The following SIRT2 variants were observed in gnomAD, a reference collection of about 807,000 sequenced individuals.
The protein encoded by SIRT2 is NAD-dependent protein deacetylase sirtuin-2.
SIRT2 carries 40 observed loss-of-function variants against 57.4 expected under a neutral mutation model. The ratio of observed to expected loss-of-function variants is 0.70; its 90% CI spans 0.54 to 0.91. The LOEUF is 0.91. Among genes scored for constraint, SIRT2 ranks in the 40% least tolerant of loss-of-function variants. The pLI, the probability that SIRT2 is intolerant of heterozygous loss-of-function variation, is 0.00. For missense variants in SIRT2, 439 were observed against 510.4 expected (o/e 0.86, Z 1.35); for synonymous variants, 161 against 195.7 (o/e 0.82, Z 1.48).
intron 9 of SIRT2, 70 bp from the exon 10 acceptor site, chr19:38,881,561 C>T: frequency 8.0e-7 from 1 of 1,244,572 alleles, no homozygotes; most frequent in Non-Finnish European, 1.2e-6. Flanking sequence ...AGGTGCAGCA[C>T]CCCCACCCCT....
At chr19:38,884,444 G>GTTTTTT in intron 8 of SIRT2, among the ~76,000 whole-genome samples, 1 of 151,606 alleles carries the variant, frequency 6.6e-6, no homozygotes, top group African/African-American at 2.4e-5. Context: ...TGGTTTGTTT[G>GTTTTTT]TTTGTTTGTT....
rs376127452 is a variant in SIRT2, at chr19:38,879,139, C to G, written c.*16G>C. Reference sequence around the variant, plus strand: ...GTCCCTGAGGAGCTCGGCATCCCGCCTGGGAGATGCAGCTGTCACTGGGGT... The same window carrying G: ...GTCCCTGAGGAGCTCGGCATCCCGCGTGGGAGATGCAGCTGTCACTGGGGT... On this transcript the variant is annotated 3_prime_UTR_variant, in exon 16 of 16. Coordinates refer to ENST00000249396, the MANE Select transcript of SIRT2 (RefSeq NM_012237.4). The G allele has an allele frequency of 6.4e-7, 1 of 1,555,954 alleles. No individual in the cohort carries two copies. Among genetic ancestry groups the G allele is most frequent in the Non-Finnish European group, 8.6e-7 (1 of 1,157,826 alleles).
rs143437597 is a variant in SIRT2, at chr19:38,887,200, C to T, written c.501+1887G>A. 2.5e-3 allele frequency among the ~76,000 whole-genome samples: 380 copies of T among 152,278 alleles called. 8 individuals are homozygous for T. Among genetic ancestry groups the T allele is most frequent in the Non-Finnish European group, 3.7e-4 (25 of 68,030 alleles). On this transcript the variant is annotated intron_variant, in intron 8 of 15. Transcript: ENST00000249396. ...CTCCCCTTCCAGCTTAACTGTGTTC[C>T]AGGGACCCATGACCATCTTATATGC... is the stretch of plus-strand genomic sequence containing the variant.
At chr19:38,893,666 C>T in intron 3 of SIRT2, 139 bp from the exon 4 acceptor site, 4 of 1,218,552 alleles carry the variant, frequency 3.3e-6, no homozygotes, top group Non-Finnish European at 4.7e-6. Context: ...CCAGCGGCCT[C>T]CAGGAGCCTG....
At position 38,881,099 on chromosome 19, in the gene SIRT2, C is replaced by T. The variant is rs1275806872; in HGVS notation, c.747+1G>A. 6.2e-7 allele frequency: 1 copy of T among 1,613,024 alleles called. No homozygotes were observed. Among genetic ancestry groups the T allele is most frequent in the African/African-American group, 1.3e-5 (1 of 74,910 alleles). ...TGCGGGGAGGCTGGGGGGCCACTTA[C>T]TGACTGCATACAGGAGAAGAAACGC... is the stretch of plus-strand genomic sequence containing the variant. On this transcript the variant is annotated splice_donor_variant, in intron 11 of 15. Coordinates refer to ENST00000249396, the MANE Select transcript of SIRT2 (RefSeq NM_012237.4). LOFTEE classifies it high-confidence loss of function.
At chr19:38,886,539 G>A (rs1973345737) in intron 8 of SIRT2, among the ~76,000 whole-genome samples, 1 of 149,888 alleles carries the variant, frequency 6.7e-6, no homozygotes, top group Non-Finnish European at 1.5e-5. Context: ...CTGTAGCCTT[G>A]AAATCCTGGG....
intron 4 of SIRT2, 99 bp from the exon 5 acceptor site, chr19:38,890,243 G>T: frequency 8.0e-7 from 1 of 1,246,944 alleles, no homozygotes; most frequent in Non-Finnish European, 1.2e-6. Context: ...TCCATGCCAG[G>T]CCCTGGGGCA....
chr19:38,894,058 T>C (rs1600127753), intron 2 of SIRT2, 191 bp from the exon 3 acceptor site: 1 of 1,216,868 alleles, frequency 8.2e-7, no homozygotes, highest in Non-Finnish European at 1.1e-6. Flanking sequence ...GTCCTGGCCA[T>C]GCCCGTCCCC....
rs764083176 is a variant in SIRT2 at position 38,890,077 on chromosome 19, G to A, written c.268+26C>T. ...AGGGACTCCCCAGTTCCTGGGGGTA[G>A]CTGCTGGGGGAGAAGGGTTACTTAC... On this transcript the variant is annotated intron_variant, in intron 5 of 15. Coordinates refer to ENST00000249396, the MANE Select transcript of SIRT2 (RefSeq NM_012237.4). The A allele has an allele frequency of 1.9e-6, 3 of 1,614,082 alleles. No individual in the cohort carries two copies. The Admixed American group carries it at 5.0e-5, about 27-fold the overall frequency.
At chr19:38,895,193 C>T (rs1031072362) in intron 2 of SIRT2, among the ~76,000 whole-genome samples, 1 of 152,036 alleles carries the variant, frequency 6.6e-6, no homozygotes, top group Non-Finnish European at 1.5e-5. Context: ...GTCCTCTCCT[C>T]CGGGGGTCCT....
intron 10 of SIRT2, 133 bp from the exon 11 acceptor site, chr19:38,881,288 A>C (rs1465699581): frequency 2.6e-6 from 3 of 1,154,368 alleles, no homozygotes; most frequent in African/African-American, 1.5e-5. Flanking sequence ...CACAGACCCC[A>C]TTCTCCCCAG....
chr19:38,895,462 T>C (rs1973686680), intron 2 of SIRT2, among the ~76,000 whole-genome samples: 1 of 152,198 alleles, frequency 6.6e-6, no homozygotes, highest in African/African-American at 2.4e-5. Flanking sequence ...TTGGAATGAA[T>C]GCCTGCTTCA....
intron 10 of SIRT2, 44 bp from the exon 11 acceptor site, chr19:38,881,199 A>G: frequency 1.3e-6 from 2 of 1,587,488 alleles, no homozygotes; most frequent in Non-Finnish European, 1.7e-6. Context: ...TGACATGGGG[A>G]GGCAGAGAGG....
Position 38,882,942 on chromosome 19 carries a change from G to C in SIRT2, c.631+685C>G, listed in dbSNP as rs1184334037. ...GGGGCACTCAGCTGGCATTTTATCA[G>C]AACAGCCACACTCCAGAGGCCCTTC... On this transcript the variant is annotated intron_variant, in intron 9 of 15. Transcript: ENST00000249396. Among the ~76,000 whole-genome samples, 4 of 152,084 alleles carry C rather than the reference G, an allele frequency of 2.6e-5. No individual in the cohort carries two copies. In the East Asian group the frequency reaches 7.7e-4, roughly 29 times the overall value.
intron 4 of SIRT2, 111 bp downstream of exon 4, chr19:38,893,303 C>T (rs1443021752): frequency 4.1e-6 from 3 of 724,054 alleles, no homozygotes; most frequent in Non-Finnish European, 7.3e-6. Context: ...AGCTGGGTTT[C>T]TTGCTACTTA....
intron 4 of SIRT2, 84 bp downstream of exon 4, chr19:38,893,330 A>G (rs1973604227): frequency 1.2e-6 from 1 of 850,592 alleles, no homozygotes; most frequent in African/African-American, 1.7e-5. Context: ...AAAGGTTTCA[A>G]TAAATGGTTC....
chr19:38,896,407 G>A (rs1215627294), intron 2 of SIRT2, among the ~76,000 whole-genome samples: 5 of 152,060 alleles, frequency 3.3e-5, no homozygotes, highest in African/African-American at 7.2e-5. Flanking sequence ...AAAAAGAGAC[G>A]GCATCTTGCT....
At chr19:38,897,341 A>G (rs1249847734) in intron 2 of SIRT2, among the ~76,000 whole-genome samples, 2 of 152,036 alleles carry the variant, frequency 1.3e-5, no homozygotes, top group Non-Finnish European at 2.9e-5. Flanking sequence ...TGTTGTGTGG[A>G]TCACCATTTC....
chr19:38,885,558 C>A (rs1973303916), intron 8 of SIRT2, among the ~76,000 whole-genome samples: 2 of 150,648 alleles, frequency 1.3e-5, no homozygotes, highest in African/African-American at 2.4e-5. Context: ...TCTCAAGTAG[C>A]TGAGATTACA....
Sources: gnomAD v4.1 joint callset for allele counts (sites outside exome capture counted in the v4.1 genomes callset) on GRCh38, gnomAD v4.1.1 for gene constraint, MANE v1.5 for transcripts, NCBI Gene and HGNC (gene_info 2026-07-23, HGNC 2026-07-21) for gene names.